WWTR1: variants seen among roughly 807,000 people sequenced by gnomAD.
The protein encoded by WWTR1 is WW domain containing transcription regulator 1.
WWTR1 carries 13 observed loss-of-function variants against 40.1 expected under a neutral mutation model. That is an observed-to-expected ratio of 0.32 (90% confidence interval 0.21 to 0.52). The LOEUF is 0.52. Ranked by LOEUF, WWTR1 falls within the 20% of genes least tolerant of loss-of-function variation. The probability of loss-of-function intolerance (pLI) is 0.97; values close to 1 mark genes in which losing one functional copy is unlikely to be tolerated. For synonymous variants in WWTR1, 230 were observed against 210.1 expected (o/e 1.09, Z -0.82); for missense variants, 436 against 523.1 (o/e 0.83, Z 1.63).
At chr3:149,553,763 G>C (rs1736710281) in intron 3 of WWTR1, among the ~76,000 whole-genome samples, 1 of 152,160 alleles carries the variant, frequency 6.6e-6, no homozygotes, top group Non-Finnish European at 1.5e-5. Context: ...AAGAGTGTCT[G>C]GGTGCAGCTG....
At chr3:149,653,358 A>G (rs1268404711) in intron 2 of WWTR1, among the ~76,000 whole-genome samples, 5 of 152,250 alleles carry the variant, frequency 3.3e-5, no homozygotes, top group Admixed American at 3.3e-4. Context: ...TTGAGAGGAC[A>G]GCAGGAATAA....
intron 1 of WWTR1, among the ~76,000 whole-genome samples, chr3:149,691,972 C>T (rs373237263): frequency 1.3e-5 from 2 of 151,884 alleles, no homozygotes; most frequent in Non-Finnish European, 2.9e-5. Context: ...GCCGAGATCA[C>T]GCCACTGCAC....
intron 3 of WWTR1, among the ~76,000 whole-genome samples, chr3:149,546,268 A>C (rs919453339): frequency 6.6e-6 from 1 of 152,276 alleles, no homozygotes; most frequent in African/African-American, 2.4e-5. Flanking sequence ...TTGTTTTCAA[A>C]GTAAAGCACA....
At chr3:149,573,833 A>G (rs938543653) in intron 2 of WWTR1, among the ~76,000 whole-genome samples, 1 of 152,152 alleles carries the variant, frequency 6.6e-6, no homozygotes, top group African/African-American at 2.4e-5. Flanking sequence ...AAAGGTGGAC[A>G]TGGCCTCCAG....
chr3:149,659,850 A>G (rs1713491247), upstream of WWTR1: 1 of 151,818 alleles, frequency 6.6e-6, no homozygotes, highest in African/African-American at 2.4e-5. Context: ...GGTGGCTCCA[A>G]TTCCAGACTC....
chr3:149,525,996 G>A lies in WWTR1; in HGVS notation c.1018+17C>T, dbSNP rs528437000. 3.3e-6 allele frequency: 5 copies of A among 1,499,180 alleles called. No individual in the cohort carries two copies. In the African/African-American group the frequency reaches 4.2e-5, roughly 13 times the overall value. 92.9% of individuals were successfully genotyped at this position (1,499,180 alleles called of 1,614,324 possible). A position where few individuals can be genotyped will look rare whatever the true frequency, so the allele number is the denominator to read the frequency against. On this transcript the variant is annotated intron_variant, in intron 6 of 6. Coordinates refer to ENST00000360632, the MANE Select transcript of WWTR1 (RefSeq NM_015472.6). ...AAACACAAACCCATTGTAAGTGCTT[G>A]CAGGCTTTGCTCCTACCTGTATCCA...
intron 1 of WWTR1, among the ~76,000 whole-genome samples, chr3:149,699,633 G>A (rs998098817): frequency 1.3e-5 from 2 of 152,084 alleles, no homozygotes; most frequent in African/African-American, 2.4e-5. Context: ...GACCCCTAGG[G>A]CATGAACACA....
intron 5 of WWTR1, among the ~76,000 whole-genome samples, chr3:149,713,884 G>C (rs549211656): frequency 0.011 from 1,615 of 152,270 alleles, 16 homozygotes; most frequent in Non-Finnish European, 0.013. Flanking sequence ...AGTTGGGTGG[G>C]ACTTGATCCC....
chr3:149,705,886 T>A (rs929116510), upstream of WWTR1, among the ~76,000 whole-genome samples: 7 of 152,232 alleles, frequency 4.6e-5, no homozygotes, highest in Admixed American at 3.9e-4. Flanking sequence ...TTAACTACTA[T>A]GCCACACAGC....
chr3:149,544,202 A>G (rs894111662), intron 3 of WWTR1, among the ~76,000 whole-genome samples: 1 of 151,574 alleles, frequency 6.6e-6, no homozygotes, highest in African/African-American at 2.4e-5. Flanking sequence ...AATGTATAAT[A>G]TATGTGTATA....
chr3:149,657,253 G>A lies in WWTR1; in HGVS notation c.54C>T (p.Ile18=). The A allele has an allele frequency of 6.2e-7, 1 of 1,613,334 alleles. No individual in the cohort carries two copies. The highest frequency in any genetic ancestry group is 8.5e-7 in the Non-Finnish European group (1 of 1,179,738). Residue 18 remains isoleucine, a synonymous_variant, in exon 2 of 7, where the codon ATC becomes ATT. Coordinates refer to ENST00000360632, the MANE Select transcript of WWTR1 (RefSeq NM_015472.6). The part of the protein sequence containing the change: ...PPLPPPGQQV[I]HVTQDLDTDL... ...CTGTGTCTAGGTCCTGCGTGACGTG[G>A]ATCACTTGCTGCCCAGGCGGCGGGA...
At chr3:149,590,543 G>C (rs1738653178) in intron 2 of WWTR1, among the ~76,000 whole-genome samples, 1 of 152,146 alleles carries the variant, frequency 6.6e-6, no homozygotes, top group African/African-American at 2.4e-5. Context: ...CTACTCGAGA[G>C]GCTGAGGCAG....
In WWTR1 at chr3:149,657,124, G is replaced by A. The variant is rs1205658676; in HGVS notation, c.183C>T (p.His61=). Residue 61 remains histidine (H), a synonymous_variant, in exon 2 of 7, where the codon CAC becomes CAT. Transcript: ENST00000360632. ...SFFKEPDSGS[H]SRQSSTDSSG... The stretch of plus-strand genomic sequence containing the variant: ...ACGAGTCGGTGCTGGACTGGCGCGA[G>A]TGCGAGCCCGAATCAGGCTCCTTAA... 1.3e-6 allele frequency: 2 copies of A among 1,590,538 alleles called. No individual in the cohort carries two copies. Among genetic ancestry groups the A allele is most frequent in the African/African-American group, 1.3e-5 (1 of 74,706 alleles).
intron 2 of WWTR1, among the ~76,000 whole-genome samples, chr3:149,623,236 G>A (rs764983667): frequency 1.8e-4 from 27 of 152,116 alleles, no homozygotes; most frequent in Non-Finnish European, 3.8e-4. Context: ...TGTGGTGCAC[G>A]CCTGTAATCC....
At chr3:149,690,220 G>A (rs1714775074) in intron 1 of WWTR1, among the ~76,000 whole-genome samples, 1 of 151,432 alleles carries the variant, frequency 6.6e-6, no homozygotes, top group Non-Finnish European at 1.5e-5. Flanking sequence ...GGAAGGAAGG[G>A]AGATAAAACC....
chr3:149,658,558 G>A (rs1490719221), upstream of WWTR1: 2 of 152,304 alleles, frequency 1.3e-5, no homozygotes, highest in African/African-American at 4.8e-5. Context: ...CACCAACAAG[G>A]CCAGCTTTTC....
At chr3:149,718,251 A>G (rs1715659918) in intron 4 of WWTR1, among the ~76,000 whole-genome samples, 1 of 152,122 alleles carries the variant, frequency 6.6e-6, no homozygotes, top group South Asian at 2.1e-4. Flanking sequence ...TTGTATCTCA[A>G]AGAAGCAGGA....
chr3:149,702,810 C>T (rs2108225237), intron 1 of WWTR1: 1 of 152,346 alleles, frequency 6.6e-6, no homozygotes, highest in Non-Finnish European at 1.5e-5. Flanking sequence ...AGAATGACCA[C>T]TGCATTTCTG....
intron 5 of WWTR1, among the ~76,000 whole-genome samples, chr3:149,708,986 T>A (rs534023560): frequency 7.2e-5 from 11 of 152,134 alleles, no homozygotes; most frequent in Admixed American, 5.2e-4. Context: ...TCTTTTTATT[T>A]GGTTTTATTT....
Sources: gnomAD v4.1 joint callset for allele counts (sites outside exome capture counted in the v4.1 genomes callset) on GRCh38, gnomAD v4.1.1 for gene constraint, MANE v1.5 for transcripts, NCBI Gene and HGNC (gene_info 2026-07-23, HGNC 2026-07-21) for gene names.